The following RNF141 variants were observed in gnomAD, a reference collection of about 807,000 sequenced individuals.
RNF141 encodes ring finger protein 141, also known as C3HC4-like zinc finger protein.
A neutral mutation model predicts 27.4 loss-of-function variants in RNF141; 18 were observed. The observed-to-expected ratio is 0.66, with a 90% CI of 0.45 to 0.97. The LOEUF is 0.97. Ranked by LOEUF, RNF141 falls within the 50% of genes least tolerant of loss-of-function variation. The probability of loss-of-function intolerance (pLI) is 0.00; values close to 1 mark genes in which losing one functional copy is unlikely to be tolerated. For missense variants in RNF141, 230 were observed against 279.4 expected (o/e 0.82, Z 1.26); for synonymous variants, 97 against 96.6 (o/e 1.00, Z -0.02).
At chr11:10,518,783 TAAGTC>T (rs1849862547) in intron 5 of RNF141, 2 of 369,038 alleles carry the variant, frequency 5.4e-6, no homozygotes, top group Non-Finnish European at 9.8e-6. Context: ...ATTTTAGACT[TAAGTC>T]AGGCACAAAT....
rs114139819 is a variant in RNF141 at position 10,520,797 on chromosome 11, A to C, written c.435-1656T>G. 6.7e-3 allele frequency among the ~76,000 whole-genome samples: 1,025 copies of C among 152,342 alleles called. 15 individuals carry two copies. Among genetic ancestry groups the C allele is most frequent in the African/African-American group, 0.024 (989 of 41,578 alleles). ...CAATATTAGGATGGCTACGACGTCC[A>C]CAGGCAATAGGAATTTTTTAGCTCC... On this transcript the variant is annotated intron_variant, in intron 4 of 5. Transcript: ENST00000265981.
chr11:10,521,260 C>G (rs115891698), intron 4 of RNF141, among the ~76,000 whole-genome samples: 2,377 of 152,276 alleles, frequency 0.016, 56 homozygotes, highest in African/African-American at 0.054. Flanking sequence ...CTCTCAAAAT[C>G]AACACTTGCC....
At chr11:10,533,237 C>T (rs888492166) in intron 2 of RNF141, among the ~76,000 whole-genome samples, 3 of 152,092 alleles carry the variant, frequency 2.0e-5, no homozygotes, top group Admixed American at 6.5e-5. Flanking sequence ...TTTAAAAGCA[C>T]AGTGGTCTGG....
At chr11:10,531,810 A>G in intron 2 of RNF141, 1 of 234,054 alleles carries the variant, frequency 4.3e-6, no homozygotes. Flanking sequence ...GAGGCCATCG[A>G]AAGTTAAGCA....
chr11:10,515,719 T>C (rs534635929), intron 5 of RNF141: 1 of 152,336 alleles, frequency 6.6e-6, no homozygotes, highest in East Asian at 1.9e-4. Flanking sequence ...TATTAATTAT[T>C]TTTCTAAGAA....
intron 1 of RNF141, among the ~76,000 whole-genome samples, chr11:10,536,654 C>T (rs1850039673): frequency 6.6e-6 from 1 of 152,124 alleles, no homozygotes; most frequent in African/African-American, 2.4e-5. Flanking sequence ...TCTCTTTAAA[C>T]AAACAGAGTT....
Position 10,534,147 on chromosome 11 carries a change from T to A in RNF141, c.12A>T (p.Gln4His). The A allele has an allele frequency of 6.2e-7, 1 of 1,613,192 alleles. No individual in the cohort carries two copies. The highest frequency in any genetic ancestry group is 8.5e-7 in the Non-Finnish European group (1 of 1,179,514). MGQ[Q>H]ISDQTQLVIN... ...TAACCAACTGTGTCTGATCCGAAAT[T>A]TGCTGTCCCATGATGAAAAGATGTC... The change falls in exon 2 of 6, where the codon CAA becomes CAT. Residue 4 changes from glutamine to histidine, a missense_variant. By Grantham distance (24) the Gln-to-His change is conservative. Coordinates refer to ENST00000265981, the MANE Select transcript of RNF141 (RefSeq NM_016422.4).
chr11:10,515,693 C>G (rs1305558629), intron 5 of RNF141: 1 of 152,086 alleles, frequency 6.6e-6, no homozygotes, highest in Non-Finnish European at 1.5e-5. Flanking sequence ...GGGAATATGA[C>G]AAGAAGAAAG....
chr11:10,519,623 C>G (rs142047533), intron 4 of RNF141, among the ~76,000 whole-genome samples: 236 of 132,060 alleles, frequency 1.8e-3, no homozygotes, highest in African/African-American at 5.8e-3. Flanking sequence ...ATGGCATAGT[C>G]TATTGCTTCT....
At chr11:10,538,206 A>G (rs1850054930) in intron 1 of RNF141, among the ~76,000 whole-genome samples, 1 of 152,226 alleles carries the variant, frequency 6.6e-6, no homozygotes, top group Admixed American at 6.5e-5. Flanking sequence ...TGTACTTGGT[A>G]TCTGGGAAAC....
chr11:10,525,455 G>C (rs1353260521), intron 3 of RNF141, 82 bp from the exon 4 acceptor site: 7 of 1,047,986 alleles, frequency 6.7e-6, no homozygotes, highest in South Asian at 1.8e-5. Flanking sequence ...CAAATATTTA[G>C]TCAAACATCC....
At chr11:10,531,331 C>T (rs1019561478) in intron 2 of RNF141, among the ~76,000 whole-genome samples, 2 of 150,078 alleles carry the variant, frequency 1.3e-5, no homozygotes, top group Non-Finnish European at 2.9e-5. Context: ...GCCAAGATCA[C>T]GCCATTGCAC....
chr11:10,528,007 GTTC>G (rs1420759285), intron 3 of RNF141, among the ~76,000 whole-genome samples: 5 of 152,072 alleles, frequency 3.3e-5, no homozygotes, highest in African/African-American at 7.2e-5. Flanking sequence ...AATTCATGTA[GTTC>G]TTAACAGCCA....
At chr11:10,523,867 A>C (rs1373414304) in intron 4 of RNF141, among the ~76,000 whole-genome samples, 1 of 152,252 alleles carries the variant, frequency 6.6e-6, no homozygotes, top group East Asian at 1.9e-4. Flanking sequence ...GAAGAAAAGC[A>C]GAAAAATCAG....
rs375145195 is a variant in RNF141, at chr11:10,514,076, T to C, written c.*840A>G. On this transcript the variant is annotated 3_prime_UTR_variant, in exon 6 of 6. Coordinates refer to ENST00000265981, the MANE Select transcript of RNF141 (RefSeq NM_016422.4). ...CCATAAACCAATATTAAATGACCTA[T>C]AGTAATTTAGAAATATAAAATTTAG... is the stretch of plus-strand genomic sequence containing the variant. 5.3e-5 allele frequency: 8 copies of C among 152,212 alleles called. No individual in the cohort carries two copies. The highest frequency in any genetic ancestry group is 8.8e-5 in the Non-Finnish European group (6 of 68,040). 9.4% of individuals were successfully genotyped at this position (152,212 alleles called of 1,614,324 possible). A position where few individuals can be genotyped will look rare whatever the true frequency, so the allele number is the denominator to read the frequency against.
intron 5 of RNF141, among the ~76,000 whole-genome samples, chr11:10,518,110 T>A (rs894820066): frequency 6.6e-6 from 1 of 152,186 alleles, no homozygotes; most frequent in Non-Finnish European, 1.5e-5. Context: ...TAAATTGATA[T>A]ATTTATTCAA....
At position 10,515,069 on chromosome 11, in the gene RNF141, A is replaced by G. The variant is rs369437130; in HGVS notation, c.543-3T>C. ...GGCAATTCCTGTGTCGATCACTCCT[A>G]TTAGAGAAGTCAAAACAAAACAGTT... is the stretch of plus-strand genomic sequence containing the variant. On this transcript the variant is annotated splice_region_variant and splice_polypyrimidine_tract_variant and intron_variant, in intron 5 of 5. Transcript: ENST00000265981. The G allele has an allele frequency of 8.7e-6, 14 of 1,604,334 alleles. No individual in the cohort carries two copies. Among genetic ancestry groups the G allele is most frequent in the Non-Finnish European group, 1.1e-5 (13 of 1,176,820 alleles).
At chr11:10,523,819 A>C (rs1197734096) in intron 4 of RNF141, among the ~76,000 whole-genome samples, 4 of 152,254 alleles carry the variant, frequency 2.6e-5, no homozygotes, top group Non-Finnish European at 5.9e-5. Context: ...CTCAGCTTTT[A>C]AAACAATTAA....
chr11:10,540,105 G>T (rs1850081597), intron 1 of RNF141, among the ~76,000 whole-genome samples: 1 of 152,092 alleles, frequency 6.6e-6, no homozygotes, highest in Admixed American at 6.5e-5. Flanking sequence ...CGACATGGAG[G>T]TGACTAATTT....
Sources: allele counts gnomAD v4.1 joint callset (sites outside exome capture counted in the v4.1 genomes callset), GRCh38; gene constraint gnomAD v4.1.1; transcripts MANE v1.5; gene names NCBI Gene and HGNC (gene_info 2026-07-23, HGNC 2026-07-21).